The following ARMH4 variants were observed in gnomAD, a reference collection of about 807,000 sequenced individuals.
ARMH4 encodes the protein armadillo like helical domain containing 4.
In ARMH4, 49 loss-of-function variants were observed where a neutral mutation model predicts 61.9. That is an observed-to-expected ratio of 0.79 (90% CI 0.63 to 1.00). The LOEUF (loss-of-function observed/expected upper bound fraction) is 1.00. ARMH4 is among the 50% of genes least tolerant of loss of function. ARMH4 has a pLI of 0.00. For missense variants in ARMH4, 934 were observed against 930.0 expected (o/e 1.00, Z -0.06); for synonymous variants, 368 against 341.5 (o/e 1.08, Z -0.85).
At chr14:58,005,337 T>C (rs1882126258) in intron 6 of ARMH4, among the ~76,000 whole-genome samples, 155 bp from the exon 7 acceptor site, 1 of 152,160 alleles carries the variant, frequency 6.6e-6, no homozygotes, top group Non-Finnish European at 1.5e-5. Flanking sequence ...CAGTAACTTT[T>C]TAGGGAGAAG....
intron 5 of ARMH4, among the ~76,000 whole-genome samples, chr14:58,071,168 T>C (rs1335684395): frequency 6.7e-6 from 1 of 149,726 alleles, no homozygotes; most frequent in African/African-American, 2.4e-5. Context: ...ATATATTATA[T>C]ACAATAGTAC....
intron 1 of ARMH4, among the ~76,000 whole-genome samples, chr14:58,147,238 T>G (rs1887763631): frequency 6.6e-6 from 1 of 152,102 alleles, no homozygotes. Context: ...CCTCATTGGA[T>G]AGTTATTTTA....
intron 4 of ARMH4, among the ~76,000 whole-genome samples, chr14:58,131,043 A>C (rs1037861610): frequency 7.2e-5 from 11 of 152,182 alleles, no homozygotes; most frequent in African/African-American, 2.4e-4. Flanking sequence ...ATGGTCAACT[A>C]TAGTTGAGAA....
intron 4 of ARMH4, among the ~76,000 whole-genome samples, chr14:58,122,581 T>C (rs1017424433): frequency 6.6e-6 from 1 of 151,910 alleles, no homozygotes; most frequent in Non-Finnish European, 1.5e-5. Context: ...TGGTTTTCTA[T>C]AATAGAGATC....
chr14:58,072,500 C>A (rs550683122), intron 5 of ARMH4, among the ~76,000 whole-genome samples: 1 of 152,170 alleles, frequency 6.6e-6, no homozygotes, highest in East Asian at 1.9e-4. Context: ...GGGTGGATCA[C>A]CTGAGGTCAG....
chr14:58,140,576 AAAATAAATAAATAAAT>A (rs142870008), intron 1 of ARMH4, among the ~76,000 whole-genome samples: 2 of 149,558 alleles, frequency 1.3e-5, no homozygotes, highest in African/African-American at 5.0e-5. Context: ...ATCCGTCTCA[AAAATAAATAAATAAAT>A]AAATAAATAA....
intron 5 of ARMH4, among the ~76,000 whole-genome samples, chr14:58,075,154 G>A (rs576569870): frequency 4.5e-4 from 68 of 152,270 alleles, no homozygotes; most frequent in Non-Finnish European, 8.5e-4. Flanking sequence ...TACACTGTTC[G>A]TGGGAGTGTA....
chr14:58,110,642 T>C (rs1011376779), intron 4 of ARMH4, among the ~76,000 whole-genome samples: 3 of 152,216 alleles, frequency 2.0e-5, no homozygotes, highest in African/African-American at 7.2e-5. Context: ...TTTATCTTTT[T>C]CATTATTAAT....
intron 4 of ARMH4, among the ~76,000 whole-genome samples, chr14:58,118,625 G>A (rs906617151): frequency 5.3e-5 from 8 of 152,120 alleles, no homozygotes; most frequent in Non-Finnish European, 1.0e-4. Flanking sequence ...CAGTGCTTTG[G>A]GAACAGAATA....
chr14:58,039,472 A>G (rs1216250478), intron 5 of ARMH4, among the ~76,000 whole-genome samples: 3 of 152,176 alleles, frequency 2.0e-5, no homozygotes, highest in African/African-American at 2.4e-5. Flanking sequence ...ACACTTTACC[A>G]ATATCTACCA....
chr14:58,013,887 C>T (rs933744865), intron 5 of ARMH4, among the ~76,000 whole-genome samples: 12 of 151,946 alleles, frequency 7.9e-5, no homozygotes, highest in Non-Finnish European at 7.4e-5. Flanking sequence ...ATTACCAAGG[C>T]GTGGTGGCAG....
intron 5 of ARMH4, among the ~76,000 whole-genome samples, chr14:58,082,738 G>C (rs975858469): frequency 6.6e-6 from 1 of 152,134 alleles, no homozygotes; most frequent in East Asian, 1.9e-4. Flanking sequence ...TCATGATCTA[G>C]CAAAAATTTA....
chr14:58,120,382 CAG>C (rs1026019844), intron 4 of ARMH4, among the ~76,000 whole-genome samples: 13 of 152,148 alleles, frequency 8.5e-5, no homozygotes, highest in African/African-American at 3.1e-4. Context: ...CAAAGACACA[CAG>C]GGGTATACAC....
chr14:58,122,316 C>G lies in ARMH4; in HGVS notation c.1831+9196G>C, dbSNP rs8003912. Among the ~76,000 whole-genome samples, 1,471 of 152,210 alleles carry G rather than the reference C, an allele frequency of 9.7e-3. 20 individuals carry two copies. The highest frequency in any genetic ancestry group is 0.034 in the African/African-American group (1,403 of 41,508). On this transcript the variant is annotated intron_variant, in intron 4 of 7. Coordinates refer to ENST00000267485, the MANE Select transcript of ARMH4 (RefSeq NM_001001872.4). ...TGCGTGCTAGAAGGACTAAGGAAAA[C>G]TAGGAAGAAGCCTATGAATTATTCA...
intron 5 of ARMH4, among the ~76,000 whole-genome samples, chr14:58,076,795 C>G (rs981067554): frequency 4.6e-5 from 7 of 152,182 alleles, no homozygotes; most frequent in African/African-American, 1.4e-4. Context: ...GGGGAACCTG[C>G]AAGAGCACTG....
intron 4 of ARMH4, chr14:58,131,226 C>T (rs925085399): frequency 2.9e-6 from 1 of 342,736 alleles, no homozygotes; most frequent in Non-Finnish European, 5.4e-6. Flanking sequence ...TCCAATATAG[C>T]TTTATTTATG....
chr14:58,065,260 G>A (rs541953276), intron 5 of ARMH4, among the ~76,000 whole-genome samples: 2 of 152,248 alleles, frequency 1.3e-5, no homozygotes, highest in Admixed American at 1.3e-4. Context: ...GAGAGAGAGA[G>A]AGAATCTATC....
At chr14:58,054,839 T>G (rs1356590592) in intron 5 of ARMH4, among the ~76,000 whole-genome samples, 4 of 148,042 alleles carry the variant, frequency 2.7e-5, no homozygotes, top group Non-Finnish European at 5.9e-5. Context: ...ATCGTGCCAC[T>G]CCAGTGTGTG....
Position 58,138,258 on chromosome 14 carries a change from C to T in ARMH4, c.1101G>A (p.Leu367=). 1 of 1,614,248 alleles carries T rather than the reference C, an allele frequency of 6.2e-7. No individual in the cohort carries two copies. Among genetic ancestry groups the T allele is most frequent in the Non-Finnish European group, 8.5e-7 (1 of 1,180,038 alleles). ...QPWTEAAQVA[L]GLPEGETHTG... ...TGTGTGTTTCCCCTTCAGGCAGCCC[C>T]AGAGCCACCTGTGCAGCCTCTGTCC... Residue 367 remains leucine (L), a synonymous_variant, in exon 2 of 8, where the codon CTG becomes CTA. Transcript: ENST00000267485.
Sources: allele counts gnomAD v4.1 joint callset (sites outside exome capture counted in the v4.1 genomes callset), GRCh38; gene constraint gnomAD v4.1.1; transcripts MANE v1.5; gene names NCBI Gene and HGNC (gene_info 2026-07-23, HGNC 2026-07-21).